Variants in BOD1 observed in about 807,000 individuals in gnomAD.
The protein encoded by BOD1 is biorientation of chromosomes in cell division 1, also known as biorientation of chromosomes in cell division protein 1.
BOD1 carries 11 observed loss-of-function variants against 15.7 expected under a neutral mutation model. The observed-to-expected ratio is 0.70, with a 90% CI of 0.44 to 1.16. The LOEUF (loss-of-function observed/expected upper bound fraction) is 1.16, where lower values mean the gene tolerates loss of function less well. Among genes scored for constraint, BOD1 ranks in the 50% most tolerant of loss-of-function variants. The pLI is 0.00. For synonymous variants in BOD1, 105 were observed against 103.5 expected, an observed-to-expected ratio of 1.01 and a Z score of -0.09; for missense variants, 182 against 244.5, an observed-to-expected ratio of 0.74 and a Z score of 1.70.
chr5:173,613,032 A>G, intron 2 of BOD1, 99 bp downstream of exon 2: 1 of 1,408,424 alleles, frequency 7.1e-7, no homozygotes, highest in South Asian at 1.3e-5. Flanking sequence ...TACTTGATAT[A>G]AAGTCCCATC....
Position 173,608,108 on chromosome 5 carries a change from G to A in BOD1, c.*186C>T. 7 of 679,626 alleles carry A rather than the reference G, an allele frequency of 1.0e-5. No homozygotes were observed. The South Asian group carries it at 1.0e-4, about 10-fold the overall frequency. The allele number at this position is 679,626 out of a possible 1,614,324, so 42.1% of individuals were successfully genotyped here. ...GCCAAATGGCAGCACAATGCAGGGG[G>A]TGACACGGTCAACTCTCCCACTGCC... On this transcript the variant is annotated 3_prime_UTR_variant, in exon 4 of 4. Transcript: ENST00000311086.
intron 1 of BOD1, among the ~76,000 whole-genome samples, chr5:173,613,534 G>A (rs1299600844): frequency 1.3e-5 from 2 of 152,174 alleles, no homozygotes; most frequent in African/African-American, 4.8e-5. Context: ...CCCACAGCCT[G>A]GACCCACACC....
In BOD1 at chr5:173,614,251, T is replaced by C. The variant is rs566124840; in HGVS notation, c.238-996A>G. Reference sequence around the variant, plus strand: ...AGCAGTTAGGATTATTTTTGTCCCTTGTAAGCATAAATCCTGATGCCATAC... The same window carrying C: ...AGCAGTTAGGATTATTTTTGTCCCTCGTAAGCATAAATCCTGATGCCATAC... On this transcript the variant is annotated intron_variant, in intron 1 of 3. Transcript: ENST00000311086. 4.3e-4 allele frequency among the ~76,000 whole-genome samples: 65 copies of C among 152,342 alleles called. 1 individual carries two copies. Among genetic ancestry groups the C allele is most frequent in the South Asian group, 3.5e-3 (17 of 4,820 alleles).
Position 173,616,447 on chromosome 5 carries a change from C to G in BOD1, c.-11G>C, listed in dbSNP as rs766695169. 33 of 1,558,258 alleles carry G rather than the reference C, an allele frequency of 2.1e-5. No individual in the cohort carries two copies. The highest frequency in any genetic ancestry group is 2.8e-5 in the Non-Finnish European group (33 of 1,163,802). ...GCCGCCGTCCGCCATGGCTGCGCCC[C>G]GGGCCCACAAGGGAGAACGACTATA... On this transcript the variant is annotated 5_prime_UTR_variant, in exon 1 of 4. Transcript: ENST00000311086.
intron 3 of BOD1, 34 bp downstream of exon 3, chr5:173,609,204 T>G (rs368339989): frequency 1.4e-4 from 193 of 1,399,000 alleles, no homozygotes; most frequent in Non-Finnish European, 1.8e-4. Context: ...AAGCCAGAGA[T>G]GCATACTCCT....
intron 1 of BOD1, 98 bp from the exon 2 acceptor site, chr5:173,613,353 A>C (rs1755406625): frequency 7.1e-7 from 1 of 1,404,984 alleles, no homozygotes; most frequent in Non-Finnish European, 1.0e-6. Flanking sequence ...AACGTTATTA[A>C]GTCTAAATAC....
intron 1 of BOD1, among the ~76,000 whole-genome samples, chr5:173,615,865 CGCTT>C (rs1755481811): frequency 6.6e-6 from 1 of 152,174 alleles, no homozygotes; most frequent in Non-Finnish European, 1.5e-5. Context: ...TTCTAAAGCA[CGCTT>C]GCTTATCTAC....
In BOD1 at chr5:173,607,866, T is replaced by C. The variant is rs1195383289; in HGVS notation, c.*428A>G. On this transcript the variant is annotated 3_prime_UTR_variant, in exon 4 of 4. Coordinates refer to ENST00000311086, the MANE Select transcript of BOD1 (RefSeq NM_138369.3). ...GTATCAAATAAGCACTGTCAAAGAC[T>C]ACTCCCAGCTAATCTTTACTGTCAT... The C allele has an allele frequency of 3.8e-5, 7 of 182,714 alleles. No homozygotes were observed. The South Asian group carries it at 7.3e-4, about 19-fold the overall frequency. The allele number at this position is 182,714 out of a possible 1,614,324, so 11.3% of individuals were successfully genotyped here. A position where few individuals can be genotyped will look rare whatever the true frequency, so the allele number is the denominator to read the frequency against.
chr5:173,613,017 A>T, intron 2 of BOD1, 114 bp downstream of exon 2: 1 of 1,317,170 alleles, frequency 7.6e-7, no homozygotes, highest in Admixed American at 2.3e-5. Context: ...GCAACTCCTA[A>T]GTGATACTTG....
At position 173,613,180 on chromosome 5, in the gene BOD1, T is replaced by C. The variant is rs972145825; in HGVS notation, c.313A>G (p.Thr105Ala). ...THLDKQEWNPTMNKNQLRNGL... is the reference protein window; with the variant it reads ...THLDKQEWNPAMNKNQLRNGL... ...TTTCGCAACTGGTTTTTGTTCATCG[T>C]AGGATTCCATTCCTGCTTGTCCAGA... The change falls in exon 2 of 4, where the codon ACG becomes GCG. Residue 105 changes from threonine (T) to alanine (A), a missense_variant. Coordinates refer to ENST00000311086, the MANE Select transcript of BOD1 (RefSeq NM_138369.3). The C allele has an allele frequency of 2.5e-6, 4 of 1,614,230 alleles. No individual in the cohort carries two copies. The highest frequency in any genetic ancestry group is 1.7e-5 in the Admixed American group (1 of 60,026).
Position 173,616,301 on chromosome 5 carries a change from G to C in BOD1, c.136C>G (p.Pro46Ala), listed in dbSNP as rs776645383. Residue 46 changes from proline (P) to alanine (A), a missense_variant, in exon 1 of 4, where the codon CCC becomes GCC. By Grantham distance (27) the Pro-to-Ala change is conservative. This residue lies in a region of BOD1 where 72 missense variants were observed against 68.9 expected (regional missense o/e 1.05). Transcript: ENST00000311086. The stretch of plus-strand genomic sequence containing the variant: ...AGAGCGATGAGCTGCGGGTCGCCGG[G>C]AGGCAGCGAGGCCGGGTTGATGGGG... ...GGPINPASLP[P>A]GDPQLIALIV... 6.5e-7 allele frequency: 1 copy of C among 1,541,774 alleles called. No homozygotes were observed. Among genetic ancestry groups the C allele is most frequent in the South Asian group, 1.2e-5 (1 of 83,936 alleles).
intron 2 of BOD1, among the ~76,000 whole-genome samples, chr5:173,610,183 C>G (rs1258713274): frequency 1.3e-5 from 2 of 152,170 alleles, no homozygotes; most frequent in Non-Finnish European, 2.9e-5. Context: ...TGGAAAATAG[C>G]CCGTAAGGTT....
chr5:173,615,684 T>G (rs1467391108), intron 1 of BOD1, among the ~76,000 whole-genome samples: 4 of 152,214 alleles, frequency 2.6e-5, no homozygotes, highest in Non-Finnish European at 5.9e-5. Context: ...AATGATGAAG[T>G]GCAAAATAAG....
chr5:173,609,467 A>C, intron 2 of BOD1, 33 bp from the exon 3 acceptor site: 1 of 1,267,692 alleles, frequency 7.9e-7, no homozygotes, highest in Non-Finnish European at 1.1e-6. Flanking sequence ...TCTGTTATTT[A>C]GTTCCTTCGG....
rs1223001214 is a variant in BOD1 at position 173,616,262 on chromosome 5, G to A, written c.175C>T (p.Leu59Phe). 3 of 1,564,652 alleles carry A rather than the reference G, an allele frequency of 1.9e-6. No homozygotes were observed. The change falls in exon 1 of 4, where the codon CTC becomes TTC. Residue 59 changes from leucine to phenylalanine, a missense_variant. Transcript: ENST00000311086. ...CTGTCAAAAAGGCCCCGGCTCTTGA[G>A]CTGCTCCACGATGAGAGCGATGAGC... ...PQLIALIVEQ[L>F]KSRGLFDSFR...
In BOD1 at chr5:173,608,256, C is replaced by T. The variant is rs1561723600; in HGVS notation, c.*38G>A. On this transcript the variant is annotated 3_prime_UTR_variant, in exon 4 of 4. Transcript: ENST00000311086. ...TCTTATGTAACCGAATCCATTTCTT[C>T]ACCAAAAATTAGCTTTCAAAAGGTG... 1.2e-6 allele frequency: 2 copies of T among 1,611,942 alleles called. No individual in the cohort carries two copies. The highest frequency in any genetic ancestry group is 1.7e-6 in the Non-Finnish European group (2 of 1,178,030).
rs1755223888 is a variant in BOD1, at chr5:173,607,207, C to T, written c.*1087G>A. 6.6e-6 allele frequency among the ~76,000 whole-genome samples: 1 copy of T among 152,226 alleles called. No homozygotes were observed. The highest frequency in any genetic ancestry group is 2.4e-5 in the African/African-American group (1 of 41,462). On this transcript the variant is annotated 3_prime_UTR_variant, in exon 4 of 4. Transcript: ENST00000311086. Reference sequence around the variant, plus strand: ...CACCTGGCAGCTTGTCAGAAACACTCACTCTTAGGTCCCACCCCAGAACTT... The same window carrying T: ...CACCTGGCAGCTTGTCAGAAACACTTACTCTTAGGTCCCACCCCAGAACTT...
At position 173,607,576 on chromosome 5, in the gene BOD1, T is replaced by A. The variant is rs558351627; in HGVS notation, c.*718A>T. On this transcript the variant is annotated 3_prime_UTR_variant, in exon 4 of 4. Transcript: ENST00000311086. ...ATAAGCCATTTATTGACCATTCACT[T>A]TTCTAAAAAAACACAAATGTGAGAA... 1 of 152,286 alleles carries A rather than the reference T, an allele frequency of 6.6e-6. No homozygotes were observed. Among genetic ancestry groups the A allele is most frequent in the South Asian group, 2.1e-4 (1 of 4,828 alleles). The allele number at this position is 152,286 out of a possible 1,614,324, so 9.4% of individuals were successfully genotyped here. A position where few individuals can be genotyped will look rare whatever the true frequency, so the allele number is the denominator to read the frequency against.
intron 2 of BOD1, among the ~76,000 whole-genome samples, chr5:173,609,932 A>G (rs1259660006): frequency 2.6e-5 from 4 of 152,272 alleles, no homozygotes; most frequent in Admixed American, 2.6e-4. Context: ...GAGTATTTAC[A>G]TCACCAGCAA....
Sources: gnomAD v4.1 joint callset for allele counts (sites outside exome capture counted in the v4.1 genomes callset) on GRCh38, gnomAD v4.1.1 for gene constraint, gnomAD v4.1.1 regional missense constraint, MANE v1.5 for transcripts, NCBI Gene and HGNC (gene_info 2026-07-23, HGNC 2026-07-21) for gene names.